DMD: variants seen among roughly 807,000 people sequenced by gnomAD.
DMD encodes dystrophin.
In DMD, 63 loss-of-function variants were observed where a neutral mutation model predicts 330.1. That is an observed-to-expected ratio of 0.19 (90% confidence interval 0.16 to 0.24). The LOEUF is 0.24. DMD is among the 10% of genes least tolerant of loss of function. The pLI is 1.00. For missense variants in DMD, 3,344 were observed against 2,684.1 expected (o/e 1.25, Z -5.43); for synonymous variants, 1,223 against 959.8 (o/e 1.27, Z -5.07).
chrX:31,212,252 G>C (rs1365128350), intron 64 of DMD, among the ~76,000 whole-genome samples: 1 of 107,924 alleles, frequency 9.3e-6, no homozygotes, highest in African/African-American at 3.4e-5. Context: ...AAAAACCCAA[G>C]TATTCTAATA....
intron 1 of DMD, among the ~76,000 whole-genome samples, chrX:33,151,375 G>C (rs1040914234): frequency 3.6e-5 from 4 of 112,436 alleles, no homozygotes; most frequent in African/African-American, 1.3e-4. Context: ...TATTAATACA[G>C]AATATTATTT....
chrX:31,256,741 C>CGTGTGTGTGTGTGT (rs35842618), intron 63 of DMD, among the ~76,000 whole-genome samples: 2 of 97,955 alleles, frequency 2.0e-5, no homozygotes, highest in Admixed American at 1.1e-4. Context: ...ATATGTGGGG[C>CGTGTGTGTGTGTGT]GTGTGTGTGT....
intron 55 of DMD, among the ~76,000 whole-genome samples, chrX:31,530,439 T>C (rs1448372364): frequency 9.0e-6 from 1 of 111,468 alleles, no homozygotes; most frequent in African/African-American, 3.3e-5. Flanking sequence ...CTGCCTTGTC[T>C]GCGGCTGTAT....
At chrX:31,706,316 C>T (rs1457777910) in intron 52 of DMD, among the ~76,000 whole-genome samples, 1 of 103,937 alleles carries the variant, frequency 9.6e-6, no homozygotes, top group African/African-American at 3.5e-5. Flanking sequence ...TTAAAATTTA[C>T]AAAAAAAAAA....
intron 67 of DMD, 70 bp downstream of exon 67, chrX:31,203,891 C>T: frequency 9.8e-7 from 1 of 1,015,886 alleles, no homozygotes; most frequent in Non-Finnish European, 1.4e-6. Flanking sequence ...AAACGAAGCT[C>T]TGTGGGTTTT....
chrX:31,407,478 C>CT (rs1297151292), intron 60 of DMD, among the ~76,000 whole-genome samples: 37 of 63,499 alleles, frequency 5.8e-4, no homozygotes, highest in Non-Finnish European at 6.6e-4. Flanking sequence ...TTTTTTTTTT[C>CT]TTTTTTTTTT....
intron 1 of DMD, among the ~76,000 whole-genome samples, chrX:33,302,586 T>C (rs1266254206): frequency 8.9e-6 from 1 of 111,775 alleles, no homozygotes; most frequent in African/African-American, 3.2e-5. Context: ...GTGGTATTAG[T>C]AGTGTTGCAC....
At chrX:32,998,308 A>G (rs5928138) in intron 2 of DMD, among the ~76,000 whole-genome samples, 3,964 of 99,981 alleles carry the variant, frequency 0.04, 128 homozygotes, top group East Asian at 0.21. Flanking sequence ...GGTTGAAGCT[A>G]TAGTGAGACA....
chrX:33,144,547 A>G (rs1431162698), intron 1 of DMD, among the ~76,000 whole-genome samples: 2 of 111,919 alleles, frequency 1.8e-5, no homozygotes, highest in Non-Finnish European at 3.8e-5. Flanking sequence ...TATTTCATAA[A>G]TATGTACAAC....
At chrX:33,293,698 C>T (rs1030113486) in intron 1 of DMD, among the ~76,000 whole-genome samples, 2 of 111,234 alleles carry the variant, frequency 1.8e-5, no homozygotes, top group African/African-American at 6.5e-5. Flanking sequence ...AAAAGGAACC[C>T]GTTTCTCACT....
rs757317718 is a variant in DMD, at chrX:32,196,767, C to T, written c.6438+20149G>A. Among the ~76,000 whole-genome samples the T allele has an allele frequency of 5.5e-5, 6 of 109,941 alleles. No individual in the cohort carries two copies. The South Asian group carries it at 1.9e-3, about 36-fold the overall frequency. On this transcript the variant is annotated intron_variant, in intron 44 of 78. Transcript: ENST00000357033. ...TTGGGAGGCCAAGGTGGGCAGATCA[C>T]GAGGTCAGGAGATCGAGACCATCCT...
intron 48 of DMD, among the ~76,000 whole-genome samples, chrX:31,862,257 C>A (rs2093719857): frequency 9.1e-6 from 1 of 110,449 alleles, no homozygotes; most frequent in South Asian, 3.9e-4. Flanking sequence ...CTCAGCCTCC[C>A]GAGTAGCTGG....
At chrX:32,497,622 G>C (rs1423695023) in intron 19 of DMD, among the ~76,000 whole-genome samples, 3 of 112,022 alleles carry the variant, frequency 2.7e-5, no homozygotes, top group Admixed American at 9.5e-5. Context: ...TATTAATATG[G>C]AAAACCAGTT....
chrX:31,608,436 T>A (rs755775114), intron 55 of DMD, among the ~76,000 whole-genome samples: 2 of 111,762 alleles, frequency 1.8e-5, no homozygotes, highest in African/African-American at 3.2e-5. Context: ...CATCTACTTT[T>A]TGGAAATTTA....
chrX:31,693,472 T>G (rs747122220), intron 52 of DMD, among the ~76,000 whole-genome samples: 102 of 111,504 alleles, frequency 9.1e-4, no homozygotes, highest in Non-Finnish European at 1.6e-3. Context: ...CTGAAAAGGA[T>G]GAAGTAAAAT....
At chrX:32,157,861 G>A (rs182857032) in intron 44 of DMD, among the ~76,000 whole-genome samples, 171 of 111,786 alleles carry the variant, frequency 1.5e-3, no homozygotes, top group Non-Finnish European at 2.9e-3. Context: ...ATCTTGAATG[G>A]CAAAAGGATC....
At chrX:31,491,867 T>C (rs776625522) in intron 57 of DMD, among the ~76,000 whole-genome samples, 3 of 112,235 alleles carry the variant, frequency 2.7e-5, no homozygotes, top group Non-Finnish European at 5.6e-5. Flanking sequence ...TCTGAAATGG[T>C]ATACAAAGAA....
At chrX:32,054,707 A>AG (rs1296939865) in intron 44 of DMD, among the ~76,000 whole-genome samples, 17 of 108,242 alleles carry the variant, frequency 1.6e-4, no homozygotes, top group Admixed American at 1.5e-3. Context: ...GACCTACAGA[A>AG]GTTTGGACAT....
intron 1 of DMD, among the ~76,000 whole-genome samples, chrX:33,087,793 CTTATAA>C (rs2095029656): frequency 8.9e-6 from 1 of 111,745 alleles, no homozygotes; most frequent in Non-Finnish European, 1.9e-5. Flanking sequence ...AAAGTTGGCT[CTTATAA>C]TTATGATGTA....
Sources: gnomAD v4.1 joint callset for allele counts (sites outside exome capture counted in the v4.1 genomes callset) on GRCh38, gnomAD v4.1.1 for gene constraint, MANE v1.5 for transcripts, NCBI Gene and HGNC (gene_info 2026-07-23, HGNC 2026-07-21) for gene names.